Variants in FGF12 observed in about 807,000 individuals in gnomAD.
The protein encoded by FGF12 is fibroblast growth factor 12B.
A neutral mutation model predicts 23.6 loss-of-function variants in FGF12; 14 were observed. The observed-to-expected ratio is 0.59, with a 90% CI of 0.39 to 0.93. FGF12 has a LOEUF of 0.93. Among genes scored for constraint, FGF12 ranks in the 40% least tolerant of loss-of-function variants. FGF12 has a pLI of 0.00. For synonymous variants in FGF12, 62 were observed against 77.3 expected, an observed-to-expected ratio of 0.80 and a Z score of 1.04; for missense variants, 175 against 217.8, an observed-to-expected ratio of 0.80 and a Z score of 1.24.
chr3:192,298,934 T>G (rs1413620454), intron 4 of FGF12, among the ~76,000 whole-genome samples: 1 of 152,116 alleles, frequency 6.6e-6, no homozygotes, highest in Non-Finnish European at 1.5e-5. Flanking sequence ...CAGGTTCTTT[T>G]TAACACACAG....
rs1724595483 is a variant in FGF12 at position 192,514,500 on chromosome 3, C to T, written c.14-153962G>A. 6.6e-6 allele frequency among the ~76,000 whole-genome samples: 1 copy of T among 152,220 alleles called. No individual in the cohort carries two copies. Among genetic ancestry groups the T allele is most frequent in the Non-Finnish European group, 1.5e-5 (1 of 68,036 alleles). ...AGGGATTTAAAAGAAAAAATACCCA[C>T]AGACAGAACCAGCGGAGGGGCCCTG... On this transcript the variant is annotated intron_variant, in intron 2 of 5. Coordinates refer to ENST00000445105, the MANE Select transcript of FGF12 (RefSeq NM_004113.6). This position sits in a 1 kb window ranked among gnomAD's most constrained non-coding sequence, Gnocchi z 4.9.
chr3:192,603,193 A>G (rs2089060), intron 2 of FGF12, among the ~76,000 whole-genome samples: 73,587 of 151,970 alleles, frequency 0.48, 18,168 homozygotes, highest in African/African-American at 0.58. Flanking sequence ...GAGCAGTCGG[A>G]CAAGAGAAAG....
rs1721051526 is a variant in FGF12 at position 192,408,304 on chromosome 3, G to T, written c.14-47766C>A. Reference sequence around the variant, plus strand: ...TCCGCCGGGGCGAGGGCAGGACCTGGGCGGCCAGGGAAAGGGCAGTCGCGG... The same window carrying T: ...TCCGCCGGGGCGAGGGCAGGACCTGTGCGGCCAGGGAAAGGGCAGTCGCGG... On this transcript the variant is annotated intron_variant, in intron 2 of 5. Transcript: ENST00000445105. This position sits in a 1 kb window ranked among gnomAD's most constrained non-coding sequence, Gnocchi z 7.3. 6.2e-6 allele frequency: 9 copies of T among 1,459,378 alleles called. No individual in the cohort carries two copies. Among genetic ancestry groups the T allele is most frequent in the Non-Finnish European group, 8.1e-6 (9 of 1,111,378 alleles). The allele number at this position is 1,459,378 out of a possible 1,614,324, so 90.4% of individuals were successfully genotyped here.
intron 2 of FGF12, among the ~76,000 whole-genome samples, chr3:192,422,352 A>G (rs4687331): frequency 0.36 from 55,269 of 151,962 alleles, 10,140 homozygotes; most frequent in Admixed American, 0.44. Context: ...CTAAAATTCT[A>G]TGACTCTAAA....
intron 2 of FGF12, among the ~76,000 whole-genome samples, chr3:192,491,487 T>C (rs753633551): frequency 1.5e-4 from 23 of 152,120 alleles, no homozygotes; most frequent in Non-Finnish European, 2.5e-4. Context: ...AGAAGACTCA[T>C]TGGATGAAAA....
At chr3:192,368,809 T>G (rs79164239) in intron 2 of FGF12, among the ~76,000 whole-genome samples, 10,113 of 152,210 alleles carry the variant, frequency 0.066, 367 homozygotes, top group South Asian at 0.12. Flanking sequence ...CTGCAAAGAC[T>G]GAAATCTTTA....
At chr3:192,488,983 C>T (rs973498793) in intron 2 of FGF12, among the ~76,000 whole-genome samples, 2 of 151,936 alleles carry the variant, frequency 1.3e-5, no homozygotes, top group Non-Finnish European at 1.5e-5. Context: ...ATCTGTTAGC[C>T]TTATGATAGG....
chr3:192,333,816 G>A (rs982228418), intron 4 of FGF12, among the ~76,000 whole-genome samples: 1 of 152,050 alleles, frequency 6.6e-6, no homozygotes. Flanking sequence ...TGTGCACTGG[G>A]GAGAATTACA....
At chr3:192,694,665 G>C (rs991239160) in intron 2 of FGF12, among the ~76,000 whole-genome samples, 12 of 150,838 alleles carry the variant, frequency 8.0e-5, no homozygotes, top group African/African-American at 3.0e-4. Flanking sequence ...TATGTACACA[G>C]TAAAATAGTA....
chr3:192,505,122 G>T (rs1724255712), intron 2 of FGF12, among the ~76,000 whole-genome samples: 1 of 152,056 alleles, frequency 6.6e-6, no homozygotes, highest in South Asian at 2.1e-4. Flanking sequence ...ATGTTTGGGA[G>T]AATCTTTTGT....
chr3:192,715,315 T>A (rs1215100568), intron 2 of FGF12, among the ~76,000 whole-genome samples: 1 of 152,180 alleles, frequency 6.6e-6, no homozygotes, highest in Non-Finnish European at 1.5e-5. Context: ...CTTACATGGT[T>A]CATGAGGAAA....
chr3:192,164,505 C>G (rs28714202), intron 5 of FGF12, among the ~76,000 whole-genome samples: 2,523 of 152,210 alleles, frequency 0.017, 59 homozygotes, highest in African/African-American at 0.057. Context: ...TAGGACTTAA[C>G]CATCCTCAAA....
At chr3:192,637,664 G>A (rs1353372089) in intron 2 of FGF12, among the ~76,000 whole-genome samples, 1 of 152,116 alleles carries the variant, frequency 6.6e-6, no homozygotes, top group Non-Finnish European at 1.5e-5. Flanking sequence ...AGAACTGGAA[G>A]GGATCTTTTG....
At chr3:192,630,501 C>T (rs528323136) in intron 2 of FGF12, among the ~76,000 whole-genome samples, 2 of 151,100 alleles carry the variant, frequency 1.3e-5, no homozygotes, top group African/African-American at 4.9e-5. Flanking sequence ...AACTCTTCCA[C>T]GCTTCCTGTG....
At chr3:192,505,499 T>G (rs1466913850) in intron 2 of FGF12, among the ~76,000 whole-genome samples, 1 of 152,228 alleles carries the variant, frequency 6.6e-6, no homozygotes, top group African/African-American at 2.4e-5. Context: ...TTTAAAAAAT[T>G]CACACGCATA....
intron 2 of FGF12, among the ~76,000 whole-genome samples, chr3:192,394,436 A>T (rs939618220): frequency 1.3e-5 from 2 of 152,214 alleles, no homozygotes; most frequent in Non-Finnish European, 2.9e-5. Flanking sequence ...CTAGAACTTC[A>T]TATCAAACAT....
intron 4 of FGF12, among the ~76,000 whole-genome samples, chr3:192,185,858 A>T (rs35028286): frequency 0.096 from 13,717 of 142,688 alleles, 648 homozygotes; most frequent in East Asian, 0.14. Flanking sequence ...GGCTCCGTCT[A>T]AAAAAAAAAA....
Position 192,352,163 on chromosome 3 carries a change from T to C in FGF12, c.124+8265A>G, listed in dbSNP as rs573235225. Among the ~76,000 whole-genome samples, 4 of 152,260 alleles carry C rather than the reference T, an allele frequency of 2.6e-5. 1 individual carries two copies. The highest frequency in any genetic ancestry group is 1.3e-4 in the Admixed American group (2 of 15,296). ...AGATTTCACACATTGTTTAAGATGA[T>C]AGAAAGTTTGAATTTCAGTGTCTAC... is the stretch of plus-strand genomic sequence containing the variant. On this transcript the variant is annotated intron_variant, in intron 3 of 5. Transcript: ENST00000445105.
At chr3:192,694,671 T>G (rs1605085) in intron 2 of FGF12, among the ~76,000 whole-genome samples, 63,406 of 150,820 alleles carry the variant, frequency 0.42, 13,958 homozygotes, top group East Asian at 0.63. Flanking sequence ...CACAGTAAAA[T>G]AGTATACAGT....
Sources: allele counts gnomAD v4.1 joint callset (sites outside exome capture counted in the v4.1 genomes callset), GRCh38; gene constraint gnomAD v4.1.1; non-coding constraint Gnocchi (gnomAD v3.1); transcripts MANE v1.5; gene names NCBI Gene and HGNC (gene_info 2026-07-23, HGNC 2026-07-21).